SLC35F4: variants seen among roughly 807,000 people sequenced by gnomAD.
SLC35F4 encodes chromosome 14 open reading frame 36.
A neutral mutation model predicts 44.2 loss-of-function variants in SLC35F4; 24 were observed. The ratio of observed to expected loss-of-function variants is 0.54; its 90% CI spans 0.39 to 0.76. SLC35F4 has a LOEUF of 0.76. SLC35F4 is among the 30% of genes least tolerant of loss of function. SLC35F4 has a pLI of 0.00. For synonymous variants in SLC35F4, 238 were observed against 223.6 expected, an observed-to-expected ratio of 1.06 and a Z score of -0.57; for missense variants, 562 against 586.1, an observed-to-expected ratio of 0.96 and a Z score of 0.42.
intron 1 of SLC35F4, among the ~76,000 whole-genome samples, chr14:57,704,288 A>G (rs1300410394): frequency 2.0e-5 from 3 of 152,122 alleles, no homozygotes; most frequent in Non-Finnish European, 4.4e-5. Flanking sequence ...CTCTGAACTA[A>G]GAGTTGGAAA....
chr14:57,796,689 G>C (rs964577794), intron 1 of SLC35F4, among the ~76,000 whole-genome samples: 3 of 152,144 alleles, frequency 2.0e-5, no homozygotes, highest in Admixed American at 1.3e-4. Flanking sequence ...TCATTCTAAA[G>C]TACTACACAT....
At chr14:57,930,548 C>T (rs751074389) in intron 1 of SLC35F4, among the ~76,000 whole-genome samples, 4 of 152,032 alleles carry the variant, frequency 2.6e-5, no homozygotes, top group Admixed American at 1.3e-4. Context: ...TCTAAGGTGC[C>T]GTAAGAGGGT....
intron 1 of SLC35F4, among the ~76,000 whole-genome samples, chr14:57,844,167 C>T (rs2140968258): frequency 6.6e-6 from 1 of 152,242 alleles, no homozygotes; most frequent in East Asian, 1.9e-4. Context: ...TTATTAATGA[C>T]ACATTTGAGG....
intron 1 of SLC35F4, among the ~76,000 whole-genome samples, chr14:57,763,574 A>T (rs1164099900): frequency 6.6e-6 from 1 of 152,154 alleles, no homozygotes; most frequent in Non-Finnish European, 1.5e-5. Context: ...TGTTTTGAGG[A>T]TTAAATGACT....
In SLC35F4 at chr14:57,564,100, A is replaced by G; in HGVS notation, c.*35T>C. On this transcript the variant is annotated 3_prime_UTR_variant, in exon 8 of 8. Coordinates refer to ENST00000556826, the MANE Select transcript of SLC35F4 (RefSeq NM_001306087.2). ...GAGAAAATTTTGTTATATTCACAGA[A>G]TATACATACACGTGCATTCAAAATA... is the stretch of plus-strand genomic sequence containing the variant. 6.2e-7 allele frequency: 1 copy of G among 1,609,570 alleles called. No individual in the cohort carries two copies. Among genetic ancestry groups the G allele is most frequent in the Non-Finnish European group, 8.5e-7 (1 of 1,176,790 alleles).
intron 1 of SLC35F4, among the ~76,000 whole-genome samples, chr14:57,914,330 G>C (rs951606357): frequency 3.9e-5 from 6 of 152,184 alleles, no homozygotes; most frequent in African/African-American, 9.7e-5. Flanking sequence ...TTGGGAGGCT[G>C]AGGTGGCCAG....
chr14:57,685,889 C>T (rs1459134988), intron 1 of SLC35F4, among the ~76,000 whole-genome samples: 2 of 152,174 alleles, frequency 1.3e-5, no homozygotes, highest in Non-Finnish European at 2.9e-5. Flanking sequence ...TCTGGTGTTC[C>T]TGGTCTTTGG....
chr14:57,878,742 GT>G (rs1318776649), intron 1 of SLC35F4, among the ~76,000 whole-genome samples: 1 of 151,692 alleles, frequency 6.6e-6, no homozygotes, highest in Non-Finnish European at 1.5e-5. Flanking sequence ...TTTTATTGTT[GT>G]TGTTCACTAT....
Position 57,582,282 on chromosome 14 carries a change from G to A in SLC35F4, c.588-849C>T, listed in dbSNP as rs563853356. ...ATGATCTTGGCTCACTGCAACCTCC[G>A]CCTCCCAGACTCGAGCCATCCTCAC... On this transcript the variant is annotated intron_variant, in intron 3 of 7. Transcript: ENST00000556826. Among the ~76,000 whole-genome samples the A allele has an allele frequency of 9.5e-4, 144 of 151,808 alleles. 3 individuals are homozygous for A. Among genetic ancestry groups the A allele is most frequent in the African/African-American group, 3.3e-3 (137 of 41,374 alleles).
chr14:57,875,334 G>A (rs1888377223), intron 1 of SLC35F4, among the ~76,000 whole-genome samples: 1 of 152,096 alleles, frequency 6.6e-6, no homozygotes, highest in African/African-American at 2.4e-5. Context: ...AATTCACTAG[G>A]ACTTACTACC....
intron 1 of SLC35F4, among the ~76,000 whole-genome samples, chr14:57,827,647 C>G (rs1484612190): frequency 2.0e-5 from 3 of 151,814 alleles, no homozygotes; most frequent in Non-Finnish European, 4.4e-5. Flanking sequence ...AGTACTGACC[C>G]GTTGTCCACT....
intron 1 of SLC35F4, among the ~76,000 whole-genome samples, chr14:57,923,703 T>A (rs115532891): frequency 0.019 from 2,939 of 152,306 alleles, 96 homozygotes; most frequent in African/African-American, 0.062. Flanking sequence ...GACTTAGATC[T>A]TTAGAAAGGA....
chr14:57,701,266 A>T (rs1459195839), intron 1 of SLC35F4, among the ~76,000 whole-genome samples: 1 of 152,178 alleles, frequency 6.6e-6, no homozygotes, highest in African/African-American at 2.4e-5. Flanking sequence ...GTTCCACTGG[A>T]AGGTTATAAG....
intron 1 of SLC35F4, among the ~76,000 whole-genome samples, chr14:57,939,580 G>T (rs1386239087): frequency 1.3e-5 from 2 of 152,156 alleles, no homozygotes; most frequent in African/African-American, 2.4e-5. Flanking sequence ...TTTTAGAAAA[G>T]AAATCTCAGA....
chr14:57,969,354 AG>A (rs1880982518), intron 1 of SLC35F4, among the ~76,000 whole-genome samples: 1 of 152,258 alleles, frequency 6.6e-6, no homozygotes, highest in African/African-American at 2.4e-5. Context: ...TCTAAGGTAA[AG>A]AAAATATTGT....
intron 1 of SLC35F4, among the ~76,000 whole-genome samples, chr14:57,681,283 AT>A (rs1339316646): frequency 1.3e-5 from 2 of 148,572 alleles, no homozygotes; most frequent in African/African-American, 5.3e-5. Context: ...AGGATTCCCT[AT>A]TTAATAAATG....
intron 1 of SLC35F4, among the ~76,000 whole-genome samples, chr14:57,981,093 C>T (rs59743516): frequency 0.094 from 14,356 of 152,204 alleles, 926 homozygotes; most frequent in African/African-American, 0.18. Flanking sequence ...GCTCCCTTCC[C>T]ACACTGAAGC....
chr14:57,736,948 G>GTT (rs35264343), intron 1 of SLC35F4, among the ~76,000 whole-genome samples: 4 of 151,818 alleles, frequency 2.6e-5, no homozygotes, highest in South Asian at 2.1e-4. Flanking sequence ...ACACTGCACT[G>GTT]TTTTTTTTCT....
chr14:57,921,912 C>T (rs530320420), intron 1 of SLC35F4, among the ~76,000 whole-genome samples: 2 of 152,094 alleles, frequency 1.3e-5, no homozygotes, highest in Non-Finnish European at 2.9e-5. Flanking sequence ...AAATTCAACC[C>T]GCAACAACCA....
Sources: gnomAD v4.1 joint callset for allele counts (sites outside exome capture counted in the v4.1 genomes callset) on GRCh38, gnomAD v4.1.1 for gene constraint, MANE v1.5 for transcripts, NCBI Gene and HGNC (gene_info 2026-07-23, HGNC 2026-07-21) for gene names.